The following TTC34 variants were observed in gnomAD, a reference collection of about 807,000 sequenced individuals.
TTC34 encodes the protein tetratricopeptide repeat domain 34.
Under a neutral mutation model 40.7 loss-of-function variants are expected in TTC34, and 44 were observed. That is an observed-to-expected ratio of 1.08 (90% CI 0.85 to 1.39). The LOEUF is 1.39. TTC34 is among the 40% of genes most tolerant of loss of function. TTC34 has a pLI of 0.00. For synonymous variants in TTC34, 422 were observed against 398.6 expected (o/e 1.06, Z -0.70); for missense variants, 884 against 838.0 (o/e 1.05, Z -0.68).
At chr1:2,677,694 C>CCGGGTGA (rs1639961758) in intron 6 of TTC34, among the ~76,000 whole-genome samples, 1 of 151,914 alleles carries the variant, frequency 6.6e-6, no homozygotes, top group South Asian at 2.1e-4. Context: ...CCCATACGCC[C>CCGGGTGA]AGATGAGCAT....
chr1:2,695,718 C>A (rs541150356), intron 6 of TTC34, among the ~76,000 whole-genome samples: 13 of 148,534 alleles, frequency 8.8e-5, no homozygotes, highest in East Asian at 5.9e-4. Context: ...ACCCACACCC[C>A]CAGGTGAGCA....
intron 6 of TTC34, among the ~76,000 whole-genome samples, chr1:2,683,481 G>C (rs1372684707): frequency 2.1e-5 from 2 of 95,156 alleles, no homozygotes; most frequent in African/African-American, 3.3e-5. Flanking sequence ...ACCACCAGGC[G>C]AGCATCTGAC....
chr1:2,642,043 T>A (rs1219551587), intron 8 of TTC34, 148 bp from the exon 9 acceptor site: 1 of 919,262 alleles, frequency 1.1e-6, no homozygotes, highest in African/African-American at 1.7e-5. Flanking sequence ...AGCTGCCCGC[T>A]GCTTCTGGAG....
intron 6 of TTC34, among the ~76,000 whole-genome samples, chr1:2,761,356 A>C (rs1641679513): frequency 1.5e-5 from 1 of 68,374 alleles, no homozygotes; most frequent in African/African-American, 1.2e-4. Context: ...CTGGAGCAGC[A>C]CCCACACCCC....
chr1:2,789,681 G>T, exon 3 of TTC34: 1 of 1,264,182 alleles, frequency 7.9e-7, no homozygotes, highest in Non-Finnish European at 1.0e-6. Context: ...GCCTCCTCGG[G>T]CCGCAGCCTG....
intron 6 of TTC34, among the ~76,000 whole-genome samples, chr1:2,686,337 G>A (rs1640344576): frequency 5.9e-5 from 9 of 151,622 alleles, no homozygotes; most frequent in Admixed American, 1.3e-4. Context: ...GCGAGCATCC[G>A]ACAGCCTGGA....
At position 2,767,816 on chromosome 1, in the gene TTC34, A is replaced by G. The variant is rs558703419; in HGVS notation, c.2226+15793T>C. Among the ~76,000 whole-genome samples, 2 of 150,496 alleles carry G rather than the reference A, an allele frequency of 1.3e-5. 1 individual carries two copies. Among genetic ancestry groups the G allele is most frequent in the Non-Finnish European group, 3.0e-5 (2 of 67,490 alleles). On this transcript the variant is annotated intron_variant, in intron 6 of 8. Coordinates refer to ENST00000401095, the Ensembl canonical transcript of TTC34. ...GGGGCAGCACCCACACTCCCAGGTG[A>G]GCATCTGACAGCCTGGAGCAGCACC... is the stretch of plus-strand genomic sequence containing the variant.
chr1:2,752,796 C>T (rs1364580593), intron 6 of TTC34, among the ~76,000 whole-genome samples: 1 of 131,736 alleles, frequency 7.6e-6, no homozygotes, highest in Non-Finnish European at 1.6e-5. Flanking sequence ...ATGTGACAGC[C>T]TGGAACAGCT....
chr1:2,798,676 A>G (rs1643737563), intron 2 of TTC34, among the ~76,000 whole-genome samples: 1 of 104,758 alleles, frequency 9.5e-6, no homozygotes, highest in Non-Finnish European at 1.9e-5. Flanking sequence ...CCAGCCTCTC[A>G]GCCCCTCAGC....
intron 6 of TTC34, among the ~76,000 whole-genome samples, chr1:2,694,043 T>C (rs1421495951): frequency 1.1e-5 from 1 of 90,126 alleles, no homozygotes. Context: ...GGCGAGCATC[T>C]CACAGCACGT....
chr1:2,655,535 C>G (rs1639313901), intron 6 of TTC34, among the ~76,000 whole-genome samples: 2 of 151,144 alleles, frequency 1.3e-5, no homozygotes, highest in African/African-American at 4.9e-5. Flanking sequence ...CACGCACACC[C>G]CCAGTGAGCA....
chr1:2,777,803 G>T (rs1189083197), intron 6 of TTC34, among the ~76,000 whole-genome samples: 2 of 152,154 alleles, frequency 1.3e-5, no homozygotes, highest in Non-Finnish European at 2.9e-5. Context: ...CCAACGTCCT[G>T]GCTGACTTTC....
chr1:2,688,639 T>A (rs6680862), intron 6 of TTC34, among the ~76,000 whole-genome samples: 1 of 101,142 alleles, frequency 9.9e-6, no homozygotes, highest in Non-Finnish European at 1.8e-5. Context: ...TGGTCTGGAG[T>A]AGCACCCACA....
At position 2,796,215 on chromosome 1, in the gene TTC34, C is replaced by T. The variant is rs961753170; in HGVS notation, c.784+3829G>A. ...TTCTACTCATTATGGATCACCCAGCCCGTGGCATTCTGTCACAGCAGCACA... is the reference window on the plus strand; with the variant it reads ...TTCTACTCATTATGGATCACCCAGCTCGTGGCATTCTGTCACAGCAGCACA... On this transcript the variant is annotated intron_variant, in intron 2 of 8. Coordinates refer to ENST00000401095, the Ensembl canonical transcript of TTC34. This position sits in a 1 kb window ranked among gnomAD's most constrained non-coding sequence, Gnocchi z 4.5. Among the ~76,000 whole-genome samples, 12 of 152,168 alleles carry T rather than the reference C, an allele frequency of 7.9e-5. No individual in the cohort carries two copies. The highest frequency in any genetic ancestry group is 2.9e-4 in the African/African-American group (12 of 41,442).
intron 6 of TTC34, among the ~76,000 whole-genome samples, chr1:2,677,610 C>CA (rs1557601765): frequency 7.7e-6 from 1 of 129,194 alleles, no homozygotes; most frequent in Non-Finnish European, 1.7e-5. Flanking sequence ...GCACGCTGCC[C>CA]CCCCAGGTGA....
chr1:2,760,190 CA>C (rs1641650779), intron 6 of TTC34, among the ~76,000 whole-genome samples: 13 of 124,954 alleles, frequency 1.0e-4, no homozygotes, highest in Non-Finnish European at 1.4e-4. Context: ...CCGCCCGGAG[CA>C]GCACCCATAC....
chr1:2,688,451 C>T (rs565506687), intron 6 of TTC34, among the ~76,000 whole-genome samples: 1 of 141,606 alleles, frequency 7.1e-6, no homozygotes, highest in Admixed American at 7.1e-5. Flanking sequence ...GACCCACACC[C>T]CTAGGTGAAC....
chr1:2,778,164 G>A (rs1412791280), intron 6 of TTC34, among the ~76,000 whole-genome samples: 1 of 152,236 alleles, frequency 6.6e-6, no homozygotes, highest in East Asian at 1.9e-4. Context: ...GCCTCTGGAG[G>A]CTGTCGTCCT....
At chr1:2,792,490 A>C (rs557804269) in intron 2 of TTC34, among the ~76,000 whole-genome samples, 1 of 152,248 alleles carries the variant, frequency 6.6e-6, no homozygotes, top group South Asian at 2.1e-4. Flanking sequence ...CACTTTGTGG[A>C]GACTCTGGGT....
Sources: allele counts gnomAD v4.1 joint callset (sites outside exome capture counted in the v4.1 genomes callset), GRCh38; gene constraint gnomAD v4.1.1; non-coding constraint Gnocchi (gnomAD v3.1); transcripts MANE v1.5; gene names NCBI Gene and HGNC (gene_info 2026-07-23, HGNC 2026-07-21).